Variants in FMN1 observed in about 807,000 individuals in gnomAD.
FMN1 encodes formin 1.
A neutral mutation model predicts 132.4 loss-of-function variants in FMN1; 110 were observed. That is an observed-to-expected ratio of 0.83 (90% confidence interval 0.71 to 0.97). The LOEUF is 0.97. FMN1 is among the 50% of genes least tolerant of loss of function. The pLI is 0.00. For synonymous variants in FMN1, 722 were observed against 651.7 expected, an observed-to-expected ratio of 1.11 and a Z score of -1.64; for missense variants, 1,792 against 1,705.3, an observed-to-expected ratio of 1.05 and a Z score of -0.90.
intron 19 of FMN1, among the ~76,000 whole-genome samples, chr15:32,793,929 G>T (rs999458879): frequency 1.3e-5 from 2 of 152,130 alleles, no homozygotes; most frequent in Admixed American, 6.5e-5. Context: ...GTAAAGAAAA[G>T]AATTCCTGTA....
chr15:33,127,871 T>TC (rs775849353), intron 4 of FMN1, among the ~76,000 whole-genome samples: 4 of 152,200 alleles, frequency 2.6e-5, no homozygotes, highest in Non-Finnish European at 5.9e-5. Context: ...CAGTGCTGTT[T>TC]CCGAGGAATC....
In FMN1 at chr15:32,955,847, G is replaced by A. The variant is rs75170950; in HGVS notation, c.3138+8260C>T. 3.6e-3 allele frequency among the ~76,000 whole-genome samples: 544 copies of A among 152,238 alleles called. 25 individuals are homozygous for A. The East Asian group carries it at 0.095, about 27-fold the overall frequency. On this transcript the variant is annotated intron_variant, in intron 9 of 20. Coordinates refer to ENST00000616417, the MANE Select transcript of FMN1 (RefSeq NM_001277313.2). ...TGTGTGCGTGCGCGCACGTGTCTGT[G>A]TGTGTGGTGAGAAAGGAATTCCAGA...
intron 9 of FMN1, among the ~76,000 whole-genome samples, chr15:32,930,050 C>G (rs541348386): frequency 1.6e-3 from 191 of 121,780 alleles, no homozygotes; most frequent in Non-Finnish European, 2.2e-3. Context: ...AGTGCAGAGG[C>G]TTGATCTCGC....
intron 6 of FMN1, among the ~76,000 whole-genome samples, chr15:33,026,410 T>TCACTCACACACACACACACACA (rs2035674540): frequency 7.1e-6 from 1 of 140,116 alleles, no homozygotes; most frequent in African/African-American, 2.6e-5. Flanking sequence ...GTCCAAATTT[T>TCACTCACACACACACACACACA]CACACACACA....
rs780586883 is a variant in FMN1, at chr15:32,907,419, ATGC to A, written c.3377+1068_3377+1070del. ...GGGTTTGTGCTCCTATGAGAATCTG[ATGC>A]TGCTGCTGATCTGACAGGAGGCGGA... On this transcript the variant is annotated intron_variant, in intron 12 of 20. Transcript: ENST00000616417. 3.9e-5 allele frequency among the ~76,000 whole-genome samples: 6 copies of A among 152,168 alleles called. No homozygotes were observed. The South Asian group carries it at 6.2e-4, about 16-fold the overall frequency.
At chr15:33,069,993 C>CTCTCTTTTTTTTTT (rs398026774) in intron 5 of FMN1, among the ~76,000 whole-genome samples, 9 of 74,294 alleles carry the variant, frequency 1.2e-4, no homozygotes, top group Admixed American at 3.7e-4. Flanking sequence ...CAGTCTTTCT[C>CTCTCTTTTTTTTTT]TTTTTTTTTT....
At chr15:33,090,975 C>G (rs139161163) in intron 4 of FMN1, among the ~76,000 whole-genome samples, 25 of 152,310 alleles carry the variant, frequency 1.6e-4, no homozygotes, top group African/African-American at 6.0e-4. Flanking sequence ...ACAGTATACT[C>G]TCACTGTACT....
At chr15:33,164,825 C>T (rs531103941) in intron 3 of FMN1, among the ~76,000 whole-genome samples, 25 of 152,196 alleles carry the variant, frequency 1.6e-4, no homozygotes, top group Non-Finnish European at 2.1e-4. Flanking sequence ...GGTATATATA[C>T]TTATGGGGTA....
intron 19 of FMN1, among the ~76,000 whole-genome samples, chr15:32,783,899 A>G (rs887768137): frequency 5.9e-5 from 9 of 152,018 alleles, no homozygotes; most frequent in African/African-American, 2.2e-4. Flanking sequence ...AGAGGCATAC[A>G]GCTGCAGCTA....
Position 32,888,250 on chromosome 15 carries a change from G to C in FMN1, c.3757C>G (p.Gln1253Glu), listed in dbSNP as rs910656633. ...ACTTGGGAGGCCAGAAAGAAATCCT[G>C]TGGTTCCGGCAAGGGGAAAACACTC... ...EKSVFPLPEP[Q>E]DFFLASQVKF... is the part of the protein sequence containing the mutation. Residue 1253 changes from glutamine to glutamate, a missense_variant, in exon 16 of 21, where the codon CAG (glutamine) becomes GAG (glutamate). Gln to Glu is a conservative substitution (Grantham distance 29). Transcript: ENST00000616417. 9 of 1,612,998 alleles carry C rather than the reference G, an allele frequency of 5.6e-6. No homozygotes were observed. In the Middle Eastern group the frequency reaches 8.3e-4, roughly 148 times the overall value.
intron 4 of FMN1, among the ~76,000 whole-genome samples, chr15:33,122,768 G>A (rs1233889293): frequency 6.6e-6 from 1 of 152,190 alleles, no homozygotes; most frequent in Non-Finnish European, 1.5e-5. Flanking sequence ...ATTGACCACG[G>A]CAACAGATTG....
At chr15:32,913,245 T>C (rs1343706834) in intron 10 of FMN1, among the ~76,000 whole-genome samples, 1 of 152,184 alleles carries the variant, frequency 6.6e-6, no homozygotes, top group Non-Finnish European at 1.5e-5. Flanking sequence ...AAATGCCAGG[T>C]ACCTCCAAGT....
intron 17 of FMN1, among the ~76,000 whole-genome samples, chr15:32,819,499 A>G (rs2058151065): frequency 1.3e-5 from 2 of 152,294 alleles, no homozygotes; most frequent in South Asian, 4.1e-4. Flanking sequence ...TGGAGTGAAC[A>G]TTTTATACCT....
chr15:32,993,684 T>G (rs1243825173), intron 7 of FMN1, among the ~76,000 whole-genome samples: 1 of 152,176 alleles, frequency 6.6e-6, no homozygotes, highest in Admixed American at 6.5e-5. Flanking sequence ...TGTACACATT[T>G]ACAGACAAGC....
intron 4 of FMN1, among the ~76,000 whole-genome samples, chr15:33,129,856 A>T (rs891164783): frequency 1.4e-5 from 2 of 147,786 alleles, no homozygotes; most frequent in Non-Finnish European, 3.0e-5. Context: ...GCAGTGGCAC[A>T]ATCTCGGCTC....
chr15:32,965,589 AAT>A (rs1023987723), intron 8 of FMN1, among the ~76,000 whole-genome samples: 1 of 152,188 alleles, frequency 6.6e-6, no homozygotes, highest in African/African-American at 2.4e-5. Flanking sequence ...AGAATTTTGT[AAT>A]ACTACAGGTG....
intron 16 of FMN1, among the ~76,000 whole-genome samples, chr15:32,864,238 A>G (rs780956941): frequency 6.6e-6 from 1 of 152,234 alleles, no homozygotes; most frequent in Non-Finnish European, 1.5e-5. Flanking sequence ...GTCTGATGCT[A>G]CACAGCAGGA....
chr15:32,921,061 G>A (rs1390512267), intron 10 of FMN1, among the ~76,000 whole-genome samples: 1 of 152,128 alleles, frequency 6.6e-6, no homozygotes, highest in Non-Finnish European at 1.5e-5. Flanking sequence ...TTATATTCTC[G>A]TGGTAGATGT....
intron 13 of FMN1, among the ~76,000 whole-genome samples, chr15:32,901,690 AT>A (rs1340904158): frequency 1.3e-5 from 2 of 152,058 alleles, no homozygotes; most frequent in Admixed American, 6.6e-5. Flanking sequence ...TAAAAGTGTC[AT>A]TTTTTTCCCT....
Sources: allele counts gnomAD v4.1 joint callset (sites outside exome capture counted in the v4.1 genomes callset), GRCh38; gene constraint gnomAD v4.1.1; transcripts MANE v1.5; gene names NCBI Gene and HGNC (gene_info 2026-07-23, HGNC 2026-07-21).